BMERB1: variants seen among roughly 807,000 people sequenced by gnomAD.
The protein encoded by BMERB1 is bMERB domain-containing protein 1.
Under a neutral mutation model 23.6 loss-of-function variants are expected in BMERB1, and 12 were observed. That is an observed-to-expected ratio of 0.51 (90% CI 0.33 to 0.82). BMERB1 has a LOEUF of 0.82. BMERB1 is among the 40% of genes least tolerant of loss of function. The probability of loss-of-function intolerance (pLI) is 0.03; values close to 1 mark genes in which losing one functional copy is unlikely to be tolerated. For synonymous variants in BMERB1, 122 were observed against 96.6 expected, an observed-to-expected ratio of 1.26 and a Z score of -1.54; for missense variants, 247 against 255.4, an observed-to-expected ratio of 0.97 and a Z score of 0.22.
intron 2 of BMERB1, among the ~76,000 whole-genome samples, chr16:15,561,368 A>C (rs1208280414): frequency 7.0e-6 from 1 of 142,460 alleles, no homozygotes; most frequent in Non-Finnish European, 1.5e-5. Flanking sequence ...TCCTGGGTTC[A>C]AGCGATTCTC....
intron 2 of BMERB1, among the ~76,000 whole-genome samples, chr16:15,560,108 G>A (rs535188847): frequency 6.6e-6 from 1 of 152,290 alleles, no homozygotes; most frequent in African/African-American, 2.4e-5. Flanking sequence ...GAAGAGATGA[G>A]ACATGAGGAA....
chr16:15,471,443 TAG>T (rs1324276885), intron 1 of BMERB1, among the ~76,000 whole-genome samples: 2 of 152,216 alleles, frequency 1.3e-5, no homozygotes, highest in African/African-American at 2.4e-5. Flanking sequence ...ATGAGTTTGG[TAG>T]AGTGTTGTTT....
intron 2 of BMERB1, among the ~76,000 whole-genome samples, chr16:15,526,580 C>T (rs2051906958): frequency 6.8e-6 from 1 of 147,260 alleles, no homozygotes; most frequent in African/African-American, 2.6e-5. Flanking sequence ...AGGAGAATCG[C>T]TTGAACCCAG....
At chr16:15,471,161 C>T (rs1385038434) in intron 1 of BMERB1, among the ~76,000 whole-genome samples, 1 of 152,006 alleles carries the variant, frequency 6.6e-6, no homozygotes, top group Non-Finnish European at 1.5e-5. Context: ...CTATTTTCCA[C>T]AAAAGATTGT....
intron 1 of BMERB1, among the ~76,000 whole-genome samples, chr16:15,437,696 C>T (rs1164325204): frequency 1.3e-5 from 2 of 152,158 alleles, no homozygotes; most frequent in South Asian, 2.1e-4. Flanking sequence ...CATTGGCTCA[C>T]GCCTGCAATC....
intron 2 of BMERB1, among the ~76,000 whole-genome samples, chr16:15,535,224 G>T (rs922573019): frequency 6.6e-6 from 1 of 152,052 alleles, no homozygotes; most frequent in African/African-American, 2.4e-5. Flanking sequence ...AGTGGTGCAT[G>T]CCTGTAGCTT....
At chr16:15,544,066 C>G (rs374821979) in intron 2 of BMERB1, among the ~76,000 whole-genome samples, 1 of 152,082 alleles carries the variant, frequency 6.6e-6, no homozygotes, top group African/African-American at 2.4e-5. Flanking sequence ...TGAAATTACA[C>G]GTTAACTTGT....
intron 1 of BMERB1, among the ~76,000 whole-genome samples, chr16:15,436,193 A>G (rs1457115370): frequency 6.6e-6 from 1 of 151,890 alleles, no homozygotes; most frequent in Non-Finnish European, 1.5e-5. Flanking sequence ...GTTACAAACA[A>G]TCCAATTACA....
intron 1 of BMERB1, among the ~76,000 whole-genome samples, chr16:15,451,626 A>G (rs960724033): frequency 1.5e-5 from 2 of 137,182 alleles, no homozygotes; most frequent in African/African-American, 2.8e-5. Flanking sequence ...TGGTGCAATC[A>G]TGGCTCACTG....
chr16:15,478,106 T>A (rs2051288427), intron 1 of BMERB1, among the ~76,000 whole-genome samples: 1 of 152,102 alleles, frequency 6.6e-6, no homozygotes, highest in Non-Finnish European at 1.5e-5. Context: ...GTGTGTCTGT[T>A]TAAGAAATCC....
chr16:15,478,511 G>A (rs1024205795), intron 1 of BMERB1, among the ~76,000 whole-genome samples: 1 of 152,168 alleles, frequency 6.6e-6, no homozygotes, highest in Non-Finnish European at 1.5e-5. Flanking sequence ...TAGGTATTTA[G>A]TCTAATTGGA....
In BMERB1 at chr16:15,586,718, C is replaced by T. The variant is rs750407106; in HGVS notation, c.504C>T (p.Ser168=). The T allele has an allele frequency of 2.5e-5, 40 of 1,607,222 alleles. 1 individual carries two copies. In the Middle Eastern group the frequency reaches 4.0e-3, roughly 159 times the overall value. Residue 168 remains serine (S), a splice_region_variant and synonymous_variant, in exon 6 of 6, where the codon AGC becomes AGT. Coordinates refer to ENST00000300006, the MANE Select transcript of BMERB1 (RefSeq NM_033201.3). ...CCCTGTGCCCACATCTTGCTGCAGG[C>T]TCCCGGGCAGAGAAGAAAGCAGAGC... The part of the protein sequence containing the change: ...PLDKVTKSPA[S]SRAEKKAEPP...
At chr16:15,520,491 T>C (rs2051837817) in intron 2 of BMERB1, among the ~76,000 whole-genome samples, 1 of 149,542 alleles carries the variant, frequency 6.7e-6, no homozygotes, top group Admixed American at 6.7e-5. Flanking sequence ...TTTTTTTTTT[T>C]TTTTTTTGAG....
chr16:15,478,352 G>A (rs774976059), intron 1 of BMERB1, among the ~76,000 whole-genome samples: 6 of 151,954 alleles, frequency 3.9e-5, no homozygotes, highest in South Asian at 2.1e-4. Flanking sequence ...GTAGAGACAG[G>A]GTTTCACCAT....
chr16:15,584,623 A>G (rs2031097394), intron 5 of BMERB1, among the ~76,000 whole-genome samples: 1 of 152,140 alleles, frequency 6.6e-6, no homozygotes, highest in South Asian at 2.1e-4. Context: ...AAGCAAAAAA[A>G]GGAATTTGTT....
intron 1 of BMERB1, among the ~76,000 whole-genome samples, chr16:15,468,327 G>A (rs551222692): frequency 6.6e-6 from 1 of 151,254 alleles, no homozygotes; most frequent in African/African-American, 2.4e-5. Flanking sequence ...TGTATTTTTT[G>A]TAGAGATGGG....
At chr16:15,507,997 A>G (rs1388564661) in intron 1 of BMERB1, among the ~76,000 whole-genome samples, 2 of 152,194 alleles carry the variant, frequency 1.3e-5, no homozygotes, top group Non-Finnish European at 2.9e-5. Context: ...TATGATGATG[A>G]TGGTACTTAC....
chr16:15,564,281 C>G (rs988361581), intron 2 of BMERB1, among the ~76,000 whole-genome samples: 2 of 152,166 alleles, frequency 1.3e-5, no homozygotes, highest in African/African-American at 4.8e-5. Flanking sequence ...AAGGACCATT[C>G]TAGATTTTTT....
At chr16:15,483,184 A>G (rs1209788986) in intron 1 of BMERB1, among the ~76,000 whole-genome samples, 2 of 152,068 alleles carry the variant, frequency 1.3e-5, no homozygotes, top group African/African-American at 4.8e-5. Context: ...ATGGCCAAAC[A>G]TTGTATGTTT....
Sources: gnomAD v4.1 joint callset for allele counts (sites outside exome capture counted in the v4.1 genomes callset) on GRCh38, gnomAD v4.1.1 for gene constraint, MANE v1.5 for transcripts, NCBI Gene and HGNC (gene_info 2026-07-23, HGNC 2026-07-21) for gene names.